ADGRL2: variants seen among roughly 807,000 people sequenced by gnomAD.
The protein encoded by ADGRL2 is adhesion G protein-coupled receptor L2, also known as calcium-independent alpha-latrotoxin receptor 2.
ADGRL2 carries 44 observed loss-of-function variants against 157.4 expected under a neutral mutation model. That is an observed-to-expected ratio of 0.28 (90% CI 0.22 to 0.36). The LOEUF (loss-of-function observed/expected upper bound fraction) is 0.36. ADGRL2 is among the 10% of genes least tolerant of loss of function. The pLI is 1.00. For missense variants in ADGRL2, 1,510 were observed against 1,768.9 expected (o/e 0.85, Z 2.63); for synonymous variants, 585 against 624.7 (o/e 0.94, Z 0.95).
In ADGRL2 at chr1:81,874,941, A is replaced by G. The variant is rs750820044; in HGVS notation, c.74-32076A>G. 2.3e-4 allele frequency among the ~76,000 whole-genome samples: 35 copies of G among 152,068 alleles called. 1 individual carries two copies. Among genetic ancestry groups the G allele is most frequent in the Non-Finnish European group, 5.0e-4 (34 of 67,992 alleles). Reference sequence around the variant, plus strand: ...AGGCTGGTCTCAAACTTCTGGTCTTAGGTGATCCACCCACCTCAGCCTCCC... The same window carrying G: ...AGGCTGGTCTCAAACTTCTGGTCTTGGGTGATCCACCCACCTCAGCCTCCC... On this transcript the variant is annotated intron_variant, in intron 2 of 23. Transcript: ENST00000686636.
chr1:81,482,976 A>G (rs1182051965), intron 2 of ADGRL2, among the ~76,000 whole-genome samples: 1 of 151,998 alleles, frequency 6.6e-6, no homozygotes, highest in Non-Finnish European at 1.5e-5. Context: ...TCTCTAATCT[A>G]TTTATGTATG....
rs370501400 is a variant in ADGRL2 at position 81,742,148 on chromosome 1, G to C, written c.-142-19663G>C. Among the ~76,000 whole-genome samples, 35 of 152,026 alleles carry C rather than the reference G, an allele frequency of 2.3e-4. No individual in the cohort carries two copies. The South Asian group carries it at 7.3e-3, about 32-fold the overall frequency. On this transcript the variant is annotated intron_variant, in intron 1 of 20. Transcript: ENST00000359929. ...TCCTGGCTTTGTCTACTAGCCATAT[G>C]ATTTCTTTAAATTTTTTTCTCTTTT... is the stretch of plus-strand genomic sequence containing the variant.
chr1:81,896,430 A>G (rs2094390161), intron 2 of ADGRL2, among the ~76,000 whole-genome samples: 1 of 152,170 alleles, frequency 6.6e-6, no homozygotes, highest in Admixed American at 6.5e-5. Flanking sequence ...ATATTTTCAT[A>G]GTTGAGTCCC....
At chr1:81,412,181 G>T (rs1013241284) in intron 1 of ADGRL2, among the ~76,000 whole-genome samples, 26 of 152,158 alleles carry the variant, frequency 1.7e-4, no homozygotes, top group African/African-American at 6.3e-4. Flanking sequence ...TTTCCCTTAG[G>T]TTAACAGGTA....
chr1:81,519,423 T>C (rs1026375463), intron 2 of ADGRL2, among the ~76,000 whole-genome samples: 12 of 152,110 alleles, frequency 7.9e-5, no homozygotes, highest in Non-Finnish European at 1.8e-4. Context: ...ATTATACTTC[T>C]AGGAATATAC....
At position 81,345,585 on chromosome 1, in the gene ADGRL2, G is replaced by A. The variant is rs1662424174; in HGVS notation, c.-302+39076G>A. On this transcript the variant is annotated intron_variant, in intron 1 of 24. Coordinates refer to the ADGRL2 transcript ENST00000370721. ...TATTAAAATAAAAAATACAGATATA[G>A]AATAATTTTCACTTTGTAAATATTA... is the stretch of plus-strand genomic sequence containing the variant. Among the ~76,000 whole-genome samples, 2 of 152,190 alleles carry A rather than the reference G, an allele frequency of 1.3e-5. 1 individual carries two copies.
At chr1:81,570,612 C>A (rs2080666370) in intron 2 of ADGRL2, among the ~76,000 whole-genome samples, 1 of 152,152 alleles carries the variant, frequency 6.6e-6, no homozygotes, top group Admixed American at 6.5e-5. Context: ...TGGTCTCGAA[C>A]TCCTGACCTC....
chr1:81,939,379 T>C (rs1647182892), intron 4 of ADGRL2, among the ~76,000 whole-genome samples: 1 of 151,550 alleles, frequency 6.6e-6, no homozygotes, highest in Non-Finnish European at 1.5e-5. Context: ...AGTAATCAGA[T>C]TGGAATTTTG....
intron 2 of ADGRL2, chr1:81,503,344 A>G: frequency 6.2e-7 from 1 of 1,614,066 alleles, no homozygotes; most frequent in East Asian, 2.2e-5. Flanking sequence ...CCACCTCATC[A>G]CGGGGTCTGC....
At chr1:81,358,201 A>G (rs2100889034) in intron 1 of ADGRL2, among the ~76,000 whole-genome samples, 1 of 152,366 alleles carries the variant, frequency 6.6e-6, no homozygotes, top group South Asian at 2.1e-4. Context: ...TAGACTTTTT[A>G]AACTGTGTGA....
chr1:81,950,953 C>T (rs1336515399), intron 7 of ADGRL2, 65 bp from the exon 8 acceptor site: 1 of 990,402 alleles, frequency 1.0e-6, no homozygotes, highest in Non-Finnish European at 1.6e-6. Flanking sequence ...ATCATCATAG[C>T]TGATTCCCGA....
At chr1:81,411,337 G>T (rs528555820) in intron 1 of ADGRL2, among the ~76,000 whole-genome samples, 1 of 152,308 alleles carries the variant, frequency 6.6e-6, no homozygotes, top group African/African-American at 2.4e-5. Flanking sequence ...ATTTAAAGGA[G>T]GTTTTTTCTT....
intron 2 of ADGRL2, among the ~76,000 whole-genome samples, chr1:81,495,704 T>C (rs1295947063): frequency 6.6e-6 from 1 of 152,204 alleles, no homozygotes; most frequent in African/African-American, 2.4e-5. Context: ...GGGAAAAATT[T>C]CAACTCAGGT....
chr1:81,748,181 T>C (rs2085362095), intron 1 of ADGRL2, among the ~76,000 whole-genome samples: 1 of 151,944 alleles, frequency 6.6e-6, no homozygotes, highest in South Asian at 2.1e-4. Context: ...AATTTTTGTT[T>C]GAAAATAATA....
intron 3 of ADGRL2, among the ~76,000 whole-genome samples, chr1:81,614,050 T>C (rs1464533186): frequency 6.6e-6 from 1 of 152,212 alleles, no homozygotes; most frequent in Non-Finnish European, 1.5e-5. Flanking sequence ...TCACTGCCTC[T>C]GGCACTTCCC....
intron 17 of ADGRL2, 86 bp downstream of exon 17, chr1:81,972,004 TTATC>T (rs577211039): frequency 1.2e-5 from 9 of 781,560 alleles, no homozygotes; most frequent in Admixed American, 1.1e-4. Flanking sequence ...TATTGTTTGT[TTATC>T]TATCTATACA....
chr1:81,597,715 A>C (rs910272322), intron 3 of ADGRL2, among the ~76,000 whole-genome samples: 1 of 152,194 alleles, frequency 6.6e-6, no homozygotes, highest in Non-Finnish European at 1.5e-5. Context: ...AGCTGAAAAT[A>C]TTATAAGTCA....
chr1:81,885,902 C>T (rs765590435), intron 2 of ADGRL2, among the ~76,000 whole-genome samples: 5 of 152,028 alleles, frequency 3.3e-5, no homozygotes, highest in South Asian at 2.1e-4. Flanking sequence ...AAAACTGTGA[C>T]GAATTAGGCT....
intron 2 of ADGRL2, among the ~76,000 whole-genome samples, chr1:81,445,908 A>C (rs2077589109): frequency 6.6e-6 from 1 of 152,208 alleles, no homozygotes; most frequent in Non-Finnish European, 1.5e-5. Context: ...CCTAGTAAGC[A>C]CTAAATTTAC....
Sources: allele counts gnomAD v4.1 joint callset (sites outside exome capture counted in the v4.1 genomes callset), GRCh38; gene constraint gnomAD v4.1.1; transcripts MANE v1.5; gene names NCBI Gene and HGNC (gene_info 2026-07-23, HGNC 2026-07-21).